Variants in LINGO2 observed in about 807,000 individuals in gnomAD.
LINGO2 encodes the protein leucine rich repeat and Ig domain containing 2.
LINGO2 carries 14 observed loss-of-function variants against 30.6 expected under a neutral mutation model. The ratio of observed to expected loss-of-function variants is 0.46; its 90% CI spans 0.30 to 0.72. The LOEUF (loss-of-function observed/expected upper bound fraction) is 0.72. Ranked by LOEUF, LINGO2 falls within the 30% of genes least tolerant of loss-of-function variation. The probability of loss-of-function intolerance (pLI) is 0.07; values close to 1 mark genes in which losing one functional copy is unlikely to be tolerated. For synonymous variants in LINGO2, 317 were observed against 288.5 expected (o/e 1.10, Z -1.00); for missense variants, 729 against 751.7 (o/e 0.97, Z 0.35).
the LINGO2 span, among the ~76,000 whole-genome samples, chr9:28,837,952 T>C: frequency 2.0e-5 from 3 of 152,000 alleles, no homozygotes; most frequent in African/African-American, 7.2e-5. Context: ...CAATTCATCA[T>C]TAACAAAAGA....
chr9:28,523,109 A>G (rs558901505), intron 1 of LINGO2, among the ~76,000 whole-genome samples: 1 of 152,256 alleles, frequency 6.6e-6, no homozygotes, highest in South Asian at 2.1e-4. Context: ...TAGAAAATGA[A>G]TGTAAAAATA....
chr9:27,962,001 A>G (rs1453683553), intron 5 of LINGO2, among the ~76,000 whole-genome samples: 1 of 152,158 alleles, frequency 6.6e-6, no homozygotes, highest in Non-Finnish European at 1.5e-5. Context: ...CACTAGACCA[A>G]AATGTGTGGG....
chr9:28,307,124 A>C (rs1300117687), intron 3 of LINGO2, among the ~76,000 whole-genome samples: 2 of 152,062 alleles, frequency 1.3e-5, no homozygotes, highest in Non-Finnish European at 2.9e-5. Flanking sequence ...GAGACACAAC[A>C]AAAAAAGAGA....
exon 6 of LINGO2, chr9:27,949,860 T>A: frequency 6.2e-7 from 1 of 1,613,864 alleles, no homozygotes; most frequent in Non-Finnish European, 8.5e-7. Context: ...GTATACCAGG[T>A]GTTTAAAGGC....
rs574053580 is a variant in LINGO2, at chr9:28,003,663, A to G, written c.-36+8692T>C. On this transcript the variant is annotated intron_variant, in intron 5 of 5. Coordinates refer to ENST00000379992, the Ensembl canonical transcript of LINGO2. ...TTTTTAGTAGAAACGGGGTTTCACC[A>G]TGTTAGCCAGGATGGTCTCGATCTC... is the stretch of plus-strand genomic sequence containing the variant. Among the ~76,000 whole-genome samples the G allele has an allele frequency of 4.5e-4, 69 of 152,244 alleles. No homozygotes were observed. The East Asian group carries it at 5.8e-3, about 13-fold the overall frequency.
At chr9:28,644,583 G>GAAA (rs34845629) in intron 1 of LINGO2, among the ~76,000 whole-genome samples, 1 of 138,862 alleles carries the variant, frequency 7.2e-6, no homozygotes, top group African/African-American at 2.6e-5. Flanking sequence ...GGTGCAAACA[G>GAAA]AAAAAAAAAA....
intron 4 of LINGO2, among the ~76,000 whole-genome samples, chr9:28,176,213 T>C (rs1375989733): frequency 6.6e-6 from 1 of 152,192 alleles, no homozygotes; most frequent in Non-Finnish European, 1.5e-5. Flanking sequence ...TCTTTTATAT[T>C]GATGCTCACA....
chr9:28,632,556 A>G (rs2135884096), intron 1 of LINGO2, among the ~76,000 whole-genome samples: 1 of 147,730 alleles, frequency 6.8e-6, no homozygotes, highest in Admixed American at 6.9e-5. Flanking sequence ...TCAATATATA[A>G]TATATATCTC....
chr9:29,091,758 T>C, the LINGO2 span, among the ~76,000 whole-genome samples: 1 of 152,064 alleles, frequency 6.6e-6, no homozygotes, highest in Admixed American at 6.6e-5. Flanking sequence ...AAATTCTACA[T>C]TGGATTCATT....
intron 4 of LINGO2, among the ~76,000 whole-genome samples, chr9:28,132,966 C>T (rs1827418259): frequency 6.6e-6 from 1 of 152,176 alleles, no homozygotes; most frequent in Non-Finnish European, 1.5e-5. Flanking sequence ...ATGAAGAAAA[C>T]TCAGTGAGCT....
intron 1 of LINGO2, among the ~76,000 whole-genome samples, chr9:28,559,517 C>G (rs1348436613): frequency 6.6e-6 from 1 of 152,188 alleles, no homozygotes; most frequent in South Asian, 2.1e-4. Context: ...ACCTCAGGTT[C>G]CAAGATCCTA....
At chr9:28,725,062 C>T in the LINGO2 span, among the ~76,000 whole-genome samples, 1 of 151,606 alleles carries the variant, frequency 6.6e-6, no homozygotes, top group Non-Finnish European at 1.5e-5. Context: ...AAATCTACAC[C>T]TGAAAAAAAA....
Position 28,632,854 on chromosome 9 carries a change from T to TATATATATATATATATATATA in LINGO2, c.-365+37345_-365+37346insTATATATATATATATATATAT, listed in dbSNP as rs1563878982. The stretch of plus-strand genomic sequence containing the variant: ...TTATATATATAAATCTATATATATT[T>TATATATATATATATATATATA]TTTATATATATATATATATATATAT... On this transcript the variant is annotated intron_variant, in intron 1 of 5. Coordinates refer to ENST00000379992, the Ensembl canonical transcript of LINGO2. Among the ~76,000 whole-genome samples the TATATATATATATATATATATA allele has an allele frequency of 1.0e-3, 83 of 83,018 alleles. 4 individuals are homozygous for TATATATATATATATATATATA. The highest frequency in any genetic ancestry group is 4.6e-3 in the African/African-American group (60 of 13,088). 54.5% of individuals were successfully genotyped at this position (83,018 alleles called of 152,430 possible).
chr9:29,152,863 G>A, the LINGO2 span, among the ~76,000 whole-genome samples: 1 of 151,972 alleles, frequency 6.6e-6, no homozygotes, highest in African/African-American at 2.4e-5. Flanking sequence ...TTTTCTCTGA[G>A]TCACTATTTG....
intron 4 of LINGO2, among the ~76,000 whole-genome samples, chr9:28,255,745 C>T (rs1004963427): frequency 3.9e-5 from 6 of 152,000 alleles, no homozygotes. Context: ...TTTAACTTTG[C>T]AATTCTATTT....
chr9:28,092,494 A>C (rs1347241601), intron 4 of LINGO2, among the ~76,000 whole-genome samples: 1 of 149,646 alleles, frequency 6.7e-6, no homozygotes, highest in East Asian at 2.0e-4. Context: ...GGAACTGAAC[A>C]ATGAGAACAC....
At chr9:28,006,491 T>C (rs1038698472) in intron 5 of LINGO2, among the ~76,000 whole-genome samples, 1 of 152,122 alleles carries the variant, frequency 6.6e-6, no homozygotes, top group Non-Finnish European at 1.5e-5. Context: ...TAAAATGCCT[T>C]GCATTAGACA....
chr9:28,772,701 T>A, the LINGO2 span, among the ~76,000 whole-genome samples: 2 of 152,196 alleles, frequency 1.3e-5, no homozygotes, highest in Non-Finnish European at 2.9e-5. Context: ...ATAGGCTTTG[T>A]AAGCAAGACA....
chr9:29,064,820 A>G, the LINGO2 span, among the ~76,000 whole-genome samples: 1 of 152,056 alleles, frequency 6.6e-6, no homozygotes, highest in East Asian at 1.9e-4. Flanking sequence ...TTATAAATCT[A>G]TGTTCTCCTA....
Sources: allele counts gnomAD v4.1 joint callset (sites outside exome capture counted in the v4.1 genomes callset), GRCh38; gene constraint gnomAD v4.1.1; transcripts MANE v1.5; gene names NCBI Gene and HGNC (gene_info 2026-07-23, HGNC 2026-07-21).